Variants in NPAS3 observed in about 807,000 individuals in gnomAD.
NPAS3 encodes the protein neuronal PAS domain-containing protein 3.
NPAS3 carries 14 observed loss-of-function variants against 73.1 expected under a neutral mutation model. The observed-to-expected ratio is 0.19, with a 90% CI of 0.13 to 0.30. The LOEUF (loss-of-function observed/expected upper bound fraction) is 0.30, where lower values mean the gene tolerates loss of function less well. Ranked by LOEUF, NPAS3 falls within the 10% of genes least tolerant of loss-of-function variation. The pLI is 1.00. For missense variants in NPAS3, 1,096 were observed against 1,250.0 expected (o/e 0.88, Z 1.86); for synonymous variants, 620 against 541.5 (o/e 1.14, Z -2.01).
At chr14:33,598,689 T>C (rs1348063587) in intron 5 of NPAS3, among the ~76,000 whole-genome samples, 2 of 152,180 alleles carry the variant, frequency 1.3e-5, no homozygotes, top group South Asian at 2.1e-4. Flanking sequence ...ACGTTTGGGT[T>C]TGGGTTTTGT....
chr14:33,646,396 T>G (rs1263070724), intron 5 of NPAS3, among the ~76,000 whole-genome samples: 1 of 152,150 alleles, frequency 6.6e-6, no homozygotes, highest in Non-Finnish European at 1.5e-5. Context: ...CCTTAGAATG[T>G]GTGTATATTT....
chr14:32,985,408 G>T (rs760353637), intron 1 of NPAS3, among the ~76,000 whole-genome samples: 1 of 152,132 alleles, frequency 6.6e-6, no homozygotes, highest in Non-Finnish European at 1.5e-5. Flanking sequence ...GGGACCTTTG[G>T]TTATTAAAAT....
chr14:33,240,637 T>G (rs1349070356), intron 3 of NPAS3, among the ~76,000 whole-genome samples: 1 of 151,918 alleles, frequency 6.6e-6, no homozygotes, highest in African/African-American at 2.4e-5. Context: ...ATTTGTTGTT[T>G]CCCATGCTCT....
At chr14:33,342,452 T>TA (rs1475265838) in intron 3 of NPAS3, among the ~76,000 whole-genome samples, 1 of 152,208 alleles carries the variant, frequency 6.6e-6, no homozygotes, top group Admixed American at 6.5e-5. Flanking sequence ...TGCAAGCAAT[T>TA]ATGCCATTTG....
chr14:33,266,649 C>T (rs1432173407), intron 3 of NPAS3, among the ~76,000 whole-genome samples: 3 of 152,146 alleles, frequency 2.0e-5, no homozygotes, highest in Non-Finnish European at 4.4e-5. Flanking sequence ...AACTGAGGCT[C>T]ATGGAGAGTG....
chr14:33,228,353 A>AT (rs2047715017), intron 3 of NPAS3, among the ~76,000 whole-genome samples: 1 of 152,144 alleles, frequency 6.6e-6, no homozygotes, highest in Non-Finnish European at 1.5e-5. Flanking sequence ...TTAACGAGAC[A>AT]TGTAGAAGTT....
chr14:32,943,090 C>T (rs1048607104), intron 1 of NPAS3, among the ~76,000 whole-genome samples: 1 of 152,160 alleles, frequency 6.6e-6, no homozygotes, highest in Non-Finnish European at 1.5e-5. Flanking sequence ...CATATAACTA[C>T]TCCACATGTG....
intron 1 of NPAS3, among the ~76,000 whole-genome samples, chr14:33,043,830 AAAC>A (rs1288235167): frequency 6.6e-6 from 1 of 152,120 alleles, no homozygotes; most frequent in Non-Finnish European, 1.5e-5. Context: ...TAAAAAAAAA[AAAC>A]AACTTCCCAA....
At chr14:33,517,692 G>T (rs896916480) in intron 4 of NPAS3, among the ~76,000 whole-genome samples, 2 of 151,930 alleles carry the variant, frequency 1.3e-5, no homozygotes, top group Non-Finnish European at 2.9e-5. Flanking sequence ...GTCATGCCCC[G>T]CAGCACCTAG....
chr14:33,400,066 G>A (rs2047386391), intron 4 of NPAS3, among the ~76,000 whole-genome samples: 1 of 151,950 alleles, frequency 6.6e-6, no homozygotes, highest in Non-Finnish European at 1.5e-5. Context: ...AGTTTTTGAG[G>A]CTTATCAGCC....
At chr14:33,000,303 C>T (rs1313667419) in intron 1 of NPAS3, among the ~76,000 whole-genome samples, 1 of 152,144 alleles carries the variant, frequency 6.6e-6, no homozygotes, top group Admixed American at 6.5e-5. Flanking sequence ...ATGTGATTTA[C>T]TAGAAAGTAT....
chr14:33,780,647 T>A (rs1346658764), intron 9 of NPAS3: 4 of 454,824 alleles, frequency 8.8e-6, no homozygotes, highest in Non-Finnish European at 1.8e-5. Flanking sequence ...GAAACACAAT[T>A]CCTCAGGAAC....
chr14:33,195,342 C>G (rs2046315335), intron 2 of NPAS3, among the ~76,000 whole-genome samples: 1 of 151,866 alleles, frequency 6.6e-6, no homozygotes, highest in Non-Finnish European at 1.5e-5. Flanking sequence ...GCAGTCTTGT[C>G]TCACTGCAAC....
chr14:33,026,272 G>A (rs2039798599), intron 1 of NPAS3, among the ~76,000 whole-genome samples: 1 of 152,210 alleles, frequency 6.6e-6, no homozygotes, highest in Non-Finnish European at 1.5e-5. Context: ...GGACATCTCA[G>A]ATACCTCAAG....
chr14:33,562,491 G>A (rs1299463402), intron 5 of NPAS3, among the ~76,000 whole-genome samples: 2 of 152,170 alleles, frequency 1.3e-5, no homozygotes, highest in East Asian at 1.9e-4. Flanking sequence ...GGAGACATGG[G>A]CCTTCATTTG....
intron 5 of NPAS3, among the ~76,000 whole-genome samples, chr14:33,670,089 A>G (rs961515415): frequency 6.6e-6 from 1 of 151,928 alleles, no homozygotes; most frequent in Non-Finnish European, 1.5e-5. Context: ...CAAGTCAGGC[A>G]CTCCCGGAGT....
intron 3 of NPAS3, among the ~76,000 whole-genome samples, chr14:33,330,306 C>G (rs555576623): frequency 6.6e-6 from 1 of 152,266 alleles, no homozygotes; most frequent in East Asian, 1.9e-4. Flanking sequence ...TACTCTACCT[C>G]TTCCCCCTCC....
chr14:33,675,793 C>G (rs564298109), intron 5 of NPAS3, among the ~76,000 whole-genome samples: 39 of 152,212 alleles, frequency 2.6e-4, no homozygotes, highest in Non-Finnish European at 4.6e-4. Flanking sequence ...CTATCTCTGG[C>G]TGTTTCTATA....
At chr14:33,230,893 C>T (rs992160060) in intron 3 of NPAS3, among the ~76,000 whole-genome samples, 1 of 152,082 alleles carries the variant, frequency 6.6e-6, no homozygotes, top group African/African-American at 2.4e-5. Flanking sequence ...TTCTCTGTCC[C>T]CTGAAACTGT....
Sources: gnomAD v4.1 joint callset for allele counts (sites outside exome capture counted in the v4.1 genomes callset) on GRCh38, gnomAD v4.1.1 for gene constraint, MANE v1.5 for transcripts, NCBI Gene and HGNC (gene_info 2026-07-23, HGNC 2026-07-21) for gene names.